PTK2: variants seen among roughly 807,000 people sequenced by gnomAD.
PTK2 encodes focal adhesion kinase 1.
In PTK2, 45 loss-of-function variants were observed where a neutral mutation model predicts 150.1. The ratio of observed to expected loss-of-function variants is 0.30; its 90% confidence interval spans 0.24 to 0.38. PTK2 has a LOEUF of 0.38. PTK2 is among the 10% of genes least tolerant of loss of function. The pLI is 1.00. For missense variants in PTK2, 919 were observed against 1,307.3 expected (o/e 0.70, Z 4.58); for synonymous variants, 432 against 449.2 (o/e 0.96, Z 0.48).
chr8:140,732,629 C>A (rs1399035760), intron 22 of PTK2: 1 of 511,396 alleles, frequency 2.0e-6, no homozygotes, highest in Non-Finnish European at 4.0e-6. Flanking sequence ...ACATACTAGA[C>A]TGTGAGCTCC....
At chr8:140,770,674 C>T (rs746561020) in intron 14 of PTK2, 42 bp downstream of exon 15, 25 of 1,091,126 alleles carry the variant, frequency 2.3e-5, no homozygotes, top group Middle Eastern at 2.3e-4. Flanking sequence ...CTCTGGAGTG[C>T]TCTGGTTAAT....
At chr8:140,839,639 G>A (rs1293904219) in intron 7 of PTK2, among the ~76,000 whole-genome samples, 1 of 152,028 alleles carries the variant, frequency 6.6e-6, no homozygotes, top group Non-Finnish European at 1.5e-5. Flanking sequence ...CTACTTAAGA[G>A]AATTAAAGAA....
At chr8:140,789,497 C>T (rs879163959) in exon 14 of PTK2, 9 of 1,613,272 alleles carry the variant, frequency 5.6e-6, no homozygotes, top group Admixed American at 3.3e-5. Context: ...GGCGTGTGTC[C>T]GCATGCCTTG....
At chr8:140,964,382 CT>C (rs918201879) in intron 1 of PTK2, among the ~76,000 whole-genome samples, 20 of 145,206 alleles carry the variant, frequency 1.4e-4, no homozygotes, top group Middle Eastern at 3.7e-3. Flanking sequence ...CAGCTAATTT[CT>C]TTTTTTTTTT....
chr8:140,726,902 T>C (rs887498754), intron 22 of PTK2, among the ~76,000 whole-genome samples: 1 of 152,204 alleles, frequency 6.6e-6, no homozygotes, highest in Non-Finnish European at 1.5e-5. Context: ...TAATGGCATA[T>C]GTGAATGTAA....
intron 2 of PTK2, among the ~76,000 whole-genome samples, chr8:140,912,558 T>C (rs747981369): frequency 1.3e-5 from 2 of 151,802 alleles, no homozygotes; most frequent in African/African-American, 2.4e-5. Context: ...AGCAACTGAA[T>C]AGATGCAGAA....
intron 1 of PTK2, among the ~76,000 whole-genome samples, chr8:140,961,265 A>G (rs1027962020): frequency 6.6e-6 from 1 of 152,212 alleles, no homozygotes; most frequent in Non-Finnish European, 1.5e-5. Context: ...TTGTTATTAC[A>G]TTTGCTATTT....
intron 27 of PTK2, among the ~76,000 whole-genome samples, chr8:140,681,581 T>G (rs12114507): frequency 6.6e-6 from 1 of 151,690 alleles, no homozygotes; most frequent in Non-Finnish European, 1.5e-5. Context: ...ATCGAGACCA[T>G]CCCGGCTAAC....
At chr8:140,782,311 C>A (rs1268909925) in intron 14 of PTK2, among the ~76,000 whole-genome samples, 1 of 147,938 alleles carries the variant, frequency 6.8e-6, no homozygotes, top group Admixed American at 6.8e-5. Flanking sequence ...GTGGGGTGAT[C>A]TCAGCTCACT....
intron 1 of PTK2, among the ~76,000 whole-genome samples, chr8:140,944,505 C>T (rs1254284141): frequency 1.3e-5 from 2 of 152,180 alleles, no homozygotes; most frequent in Non-Finnish European, 2.9e-5. Context: ...TCTCTAAGCC[C>T]AGTTTCTCAT....
In PTK2 at chr8:140,795,669, CCTGT is replaced by C. The variant is rs541599372; in HGVS notation, c.1094-2289_1094-2286del. Among the ~76,000 whole-genome samples, 129 of 152,268 alleles carry C rather than the reference CCTGT, an allele frequency of 8.5e-4. 1 individual carries two copies. Among genetic ancestry groups the C allele is most frequent in the African/African-American group, 2.7e-3 (113 of 41,530 alleles). On this transcript the variant is annotated intron_variant, in intron 12 of 31. Transcript: ENST00000522684. ...CATGAAATTTCCATGCATGCACAAC[CCTGT>C]CTGTTTTGTTTGCTGCTACATCCTC...
chr8:140,841,386 C>A (rs986973468), intron 7 of PTK2, among the ~76,000 whole-genome samples: 2 of 152,118 alleles, frequency 1.3e-5, no homozygotes, highest in African/African-American at 4.8e-5. Flanking sequence ...GCTCTTATCA[C>A]ACAGACCACG....
chr8:140,805,589 A>G (rs909144898), intron 10 of PTK2, among the ~76,000 whole-genome samples: 12 of 151,478 alleles, frequency 7.9e-5, no homozygotes, highest in African/African-American at 2.9e-4. Flanking sequence ...GATCATATTC[A>G]ACAAGATTCC....
At chr8:140,691,402 T>G (rs2100023158) in intron 26 of PTK2, among the ~76,000 whole-genome samples, 1 of 152,248 alleles carries the variant, frequency 6.6e-6, no homozygotes, top group Non-Finnish European at 1.5e-5. Context: ...TTTCTCTCAC[T>G]GTACCCTAAC....
At chr8:140,717,980 G>T in intron 22 of PTK2, 1 of 346,998 alleles carries the variant, frequency 2.9e-6, no homozygotes, top group African/African-American at 2.1e-5. Flanking sequence ...AGAAAATGAA[G>T]GATGGGCCAA....
rs139869321 is a variant in PTK2, at chr8:140,916,193, G to C, written c.-33+9468C>G. On this transcript the variant is annotated intron_variant, in intron 2 of 31. Coordinates refer to ENST00000522684, the Ensembl canonical transcript of PTK2. The stretch of plus-strand genomic sequence containing the variant: ...AATGAGGCATGTGTTTCCCACAGGA[G>C]GATATTTAAAGGCTGATTCACTCCT... Among the ~76,000 whole-genome samples, 383 of 152,310 alleles carry C rather than the reference G, an allele frequency of 2.5e-3. 1 individual carries two copies. Among genetic ancestry groups the C allele is most frequent in the Non-Finnish European group, 4.1e-3 (280 of 68,026 alleles).
At chr8:140,764,370 G>C in intron 14 of PTK2, 80 bp from the exon 17 acceptor site, 1 of 1,101,374 alleles carries the variant, frequency 9.1e-7, no homozygotes, top group Non-Finnish European at 1.4e-6. Flanking sequence ...AGTAGGCAAA[G>C]CGATCTGCTT....
chr8:140,902,204 T>A (rs2100158774), intron 2 of PTK2, among the ~76,000 whole-genome samples: 1 of 152,126 alleles, frequency 6.6e-6, no homozygotes, highest in African/African-American at 2.4e-5. Context: ...CAGCTAATTT[T>A]TGTATTTTTA....
At chr8:140,993,276 GTGC>G (rs1298922713) in intron 1 of PTK2, among the ~76,000 whole-genome samples, 1 of 152,174 alleles carries the variant, frequency 6.6e-6, no homozygotes, top group Non-Finnish European at 1.5e-5. Context: ...GCCTCCCAAA[GTGC>G]TGGAATTACA....
Sources: gnomAD v4.1 joint callset for allele counts (sites outside exome capture counted in the v4.1 genomes callset) on GRCh38, gnomAD v4.1.1 for gene constraint, MANE v1.5 for transcripts, NCBI Gene and HGNC (gene_info 2026-07-23, HGNC 2026-07-21) for gene names.